Variants in MLIP observed in about 807,000 individuals in gnomAD.
MLIP encodes the protein muscular LMNA interacting protein.
MLIP carries 79 observed loss-of-function variants against 84.8 expected under a neutral mutation model. The observed-to-expected ratio is 0.93, with a 90% CI of 0.78 to 1.12. MLIP has a LOEUF of 1.12. Ranked by LOEUF, MLIP falls within the 50% of genes most tolerant of loss-of-function variation. The pLI is 0.00. For missense variants in MLIP, 1,257 were observed against 1,160.6 expected, an observed-to-expected ratio of 1.08 and a Z score of -1.21; for synonymous variants, 504 against 463.0, an observed-to-expected ratio of 1.09 and a Z score of -1.14.
intron 11 of MLIP, among the ~76,000 whole-genome samples, chr6:54,206,643 C>T (rs1354808339): frequency 6.6e-6 from 1 of 151,988 alleles, no homozygotes; most frequent in Non-Finnish European, 1.5e-5. Flanking sequence ...TTTTTTTAGA[C>T]ATCTGACTTG....
rs141388096 is a variant in MLIP, at chr6:54,209,685, G to A, written c.2718+7452G>A. 3.9e-5 allele frequency among the ~76,000 whole-genome samples: 6 copies of A among 152,020 alleles called. 1 individual carries two copies. The highest frequency in any genetic ancestry group is 1.9e-4 in the East Asian group (1 of 5,186). On this transcript the variant is annotated intron_variant, in intron 11 of 13. Transcript: ENST00000502396. ...TAGGAAGGGCAGCATGTCCTCTAACGCTTTGAAACCTTTAGAGGGAAGATC... is the reference window on the plus strand; with the variant it reads ...TAGGAAGGGCAGCATGTCCTCTAACACTTTGAAACCTTTAGAGGGAAGATC...
chr6:54,113,920 A>G (rs2150412515), intron 1 of MLIP, among the ~76,000 whole-genome samples: 1 of 152,236 alleles, frequency 6.6e-6, no homozygotes, highest in East Asian at 1.9e-4. Flanking sequence ...ATTTCCTTAT[A>G]CTTGCCACAT....
chr6:54,194,823 C>G (rs943090607), intron 10 of MLIP, among the ~76,000 whole-genome samples: 3 of 150,686 alleles, frequency 2.0e-5, no homozygotes, highest in Admixed American at 2.0e-4. Context: ...TCAATAGTTG[C>G]GTGGTAATAA....
chr6:54,218,620 A>G (rs911105437), intron 11 of MLIP, among the ~76,000 whole-genome samples: 2 of 152,040 alleles, frequency 1.3e-5, no homozygotes, highest in African/African-American at 4.8e-5. Context: ...TCTGGGTTCA[A>G]GCGATTCTCC....
chr6:54,167,421 T>C (rs1186672155), intron 8 of MLIP, among the ~76,000 whole-genome samples: 1 of 151,916 alleles, frequency 6.6e-6, no homozygotes, highest in Admixed American at 6.6e-5. Context: ...AAATCAGTTA[T>C]ATCAGTGATC....
At chr6:54,072,109 C>T (rs78241591) in intron 1 of MLIP, among the ~76,000 whole-genome samples, 1,910 of 152,226 alleles carry the variant, frequency 0.013, 14 homozygotes, top group Non-Finnish European at 0.018. Context: ...CCAGCTGATT[C>T]CAGTGACCCC....
At chr6:54,021,828 T>C (rs559342042) in intron 1 of MLIP, among the ~76,000 whole-genome samples, 1 of 152,198 alleles carries the variant, frequency 6.6e-6, no homozygotes, top group Admixed American at 6.5e-5. Flanking sequence ...TCTCATAATT[T>C]GGTTGATGTT....
intron 4 of MLIP, among the ~76,000 whole-genome samples, chr6:54,139,463 A>G (rs756289026): frequency 1.3e-5 from 2 of 152,206 alleles, no homozygotes; most frequent in Non-Finnish European, 2.9e-5. Context: ...AAACAATCTG[A>G]CCAAATATAC....
chr6:54,179,095 A>G (rs1776592303), intron 9 of MLIP, among the ~76,000 whole-genome samples: 1 of 152,122 alleles, frequency 6.6e-6, no homozygotes, highest in Non-Finnish European at 1.5e-5. Flanking sequence ...GCTGCATGTA[A>G]GTTTGCAATC....
At chr6:54,228,213 A>AAAAAAG (rs1562082666) in intron 11 of MLIP, among the ~76,000 whole-genome samples, 4 of 116,652 alleles carry the variant, frequency 3.4e-5, no homozygotes, top group Admixed American at 2.9e-4. Context: ...AAAAAAAAAA[A>AAAAAAG]AGAGAAAGAA....
Position 54,121,541 on chromosome 6 carries a change from C to G in MLIP, c.191C>G (p.Ser64Cys). The change falls in exon 2 of 14, where the codon TCT becomes TGT. Residue 64 changes from serine (S) to cysteine (C), a missense_variant. Physicochemically the swap from Ser to Cys is moderately radical, Grantham distance 112 (BLOSUM62 -1). Transcript: ENST00000502396. ...ACCCATACTCAGTTGGCTGACACCT[C>G]TAAATTCCTTGTTAAAATTCCAGAA... ...LPTHTQLADT[S>C]KFLVKIPEES... 1 of 1,613,918 alleles carries G rather than the reference C, an allele frequency of 6.2e-7. No individual in the cohort carries two copies. The highest frequency in any genetic ancestry group is 8.5e-7 in the Non-Finnish European group (1 of 1,179,856).
rs149782969 is a variant in MLIP at position 54,216,598 on chromosome 6, A to C, written c.2719-14116A>C. On this transcript the variant is annotated intron_variant, in intron 11 of 13. Transcript: ENST00000502396. ...CTATCTTAAAAATTATGTTGTGATT[A>C]TTAAAAATCTTTTTTTATATAGAGG... 2,658 of 974,530 alleles carry C rather than the reference A, an allele frequency of 2.7e-3. 5 individuals are homozygous for C. Among genetic ancestry groups the C allele is most frequent in the Middle Eastern group, 4.2e-3 (8 of 1,888 alleles). 60.4% of individuals were successfully genotyped at this position (974,530 alleles called of 1,614,324 possible). A position where few individuals can be genotyped will look rare whatever the true frequency, so the allele number is the denominator to read the frequency against.
rs1775336785 is a variant in MLIP, at chr6:54,167,695, T to C, written c.2500-1833T>C. Among the ~76,000 whole-genome samples, 3 of 151,934 alleles carry C rather than the reference T, an allele frequency of 2.0e-5. 1 individual carries two copies. In the South Asian group the frequency reaches 6.2e-4, roughly 31 times the overall value. The stretch of plus-strand genomic sequence containing the variant: ...AGACTTCAGATGATATTACCTTTTA[T>C]AGAAAGTCTTTTCTTTGTTTCTGTC... On this transcript the variant is annotated intron_variant, in intron 8 of 13. Coordinates refer to ENST00000502396, the MANE Select transcript of MLIP (RefSeq NM_001281747.2).
chr6:54,048,716 C>T (rs923022983), intron 1 of MLIP, among the ~76,000 whole-genome samples: 8 of 152,054 alleles, frequency 5.3e-5, no homozygotes, highest in Non-Finnish European at 1.2e-4. Context: ...TGGCCTGAGC[C>T]TCTGGTGACA....
At chr6:54,035,135 G>A (rs1204527878) in intron 1 of MLIP, among the ~76,000 whole-genome samples, 2 of 152,128 alleles carry the variant, frequency 1.3e-5, no homozygotes, top group Admixed American at 1.3e-4. Context: ...GTTTGTGTAA[G>A]TTTACTCCAT....
chr6:54,207,425 T>C (rs1430386824), intron 11 of MLIP, among the ~76,000 whole-genome samples: 1 of 138,968 alleles, frequency 7.2e-6, no homozygotes, highest in Non-Finnish European at 1.6e-5. Flanking sequence ...CCCCCCTTTT[T>C]TGACATTTCT....
chr6:54,120,594 T>C (rs1770366067), intron 1 of MLIP, among the ~76,000 whole-genome samples: 1 of 152,208 alleles, frequency 6.6e-6, no homozygotes. Context: ...TATGACTATG[T>C]CATTTTTCAA....
chr6:54,108,763 C>T (rs1406164479), upstream of MLIP, among the ~76,000 whole-genome samples: 1 of 152,062 alleles, frequency 6.6e-6, no homozygotes, highest in Non-Finnish European at 1.5e-5. Flanking sequence ...GAAGTATTTT[C>T]TCTTCTAAAT....
At chr6:54,109,706 C>T (rs1412700344), upstream of MLIP, among the ~76,000 whole-genome samples, 3 of 152,068 alleles carry the variant, frequency 2.0e-5, no homozygotes, top group African/African-American at 4.8e-5. Flanking sequence ...TCTGTCTTTG[C>T]TACTCAAAGT....
Sources: gnomAD v4.1 joint callset for allele counts (sites outside exome capture counted in the v4.1 genomes callset) on GRCh38, gnomAD v4.1.1 for gene constraint, MANE v1.5 for transcripts, NCBI Gene and HGNC (gene_info 2026-07-23, HGNC 2026-07-21) for gene names.